The following TMPRSS13 variants were observed in gnomAD, a reference collection of about 807,000 sequenced individuals.
TMPRSS13 encodes the protein transmembrane serine protease 13.
Under a neutral mutation model 68.4 loss-of-function variants are expected in TMPRSS13, and 50 were observed. The observed-to-expected ratio is 0.73, with a 90% CI of 0.58 to 0.93. The LOEUF (loss-of-function observed/expected upper bound fraction) is 0.93, where lower values mean the gene tolerates loss of function less well. Among genes scored for constraint, TMPRSS13 ranks in the 40% least tolerant of loss-of-function variants. The probability of loss-of-function intolerance (pLI) is 0.00; values close to 1 mark genes in which losing one functional copy is unlikely to be tolerated. For missense variants in TMPRSS13, 615 were observed against 729.2 expected (o/e 0.84, Z 1.80); for synonymous variants, 267 against 285.8 (o/e 0.93, Z 0.66).
At position 117,922,688 on chromosome 11, in the gene TMPRSS13, A is replaced by C. The variant is rs1219930593; in HGVS notation, c.22-3850T>G. 6.6e-6 allele frequency among the ~76,000 whole-genome samples: 1 copy of C among 152,212 alleles called. No individual in the cohort carries two copies. The highest frequency in any genetic ancestry group is 1.5e-5 in the Non-Finnish European group (1 of 68,036). On this transcript the variant is annotated intron_variant, in intron 1 of 12. Coordinates refer to ENST00000524993, the MANE Select transcript of TMPRSS13 (RefSeq NM_001077263.3). The surrounding 1 kb of genome is among the most constrained non-coding windows in gnomAD (Gnocchi z 4.2). ...TGGTGTCTCCACAACCTGCCTGCAG[A>C]CCAAAGGCTTCTCAGCCTGCTCAGG...
rs200399398 is a variant in TMPRSS13 at position 117,913,781 on chromosome 11, C to T, written c.805G>A (p.Glu269Lys). ...TGGGGCCAGGTTGGGGGTTACCTCT[C>T]GAAACCCAGCTGCTGGCAGGTCTTC... ...SEKTCQQLGFESAHRTTEVAH... is the reference protein window; with the variant it reads ...SEKTCQQLGFKSAHRTTEVAH... Residue 269 changes from glutamate to lysine, a missense_variant, in exon 5 of 13, where the codon GAG becomes AAG. Physicochemically the swap from Glu to Lys is moderately conservative, Grantham distance 56. Coordinates refer to ENST00000524993, the MANE Select transcript of TMPRSS13 (RefSeq NM_001077263.3). 55 of 1,613,920 alleles carry T rather than the reference C, an allele frequency of 3.4e-5. No homozygotes were observed. The highest frequency in any genetic ancestry group is 6.7e-5 in the African/African-American group (5 of 75,030).
chr11:117,919,303 A>G (rs117507110), intron 1 of TMPRSS13, among the ~76,000 whole-genome samples: 3 of 152,354 alleles, frequency 2.0e-5, no homozygotes, highest in South Asian at 2.1e-4. Flanking sequence ...GTTAGATTAT[A>G]AAATATTGTT....
chr11:117,911,710 C>T, intron 6 of TMPRSS13, 58 bp downstream of exon 6: 1 of 1,453,346 alleles, frequency 6.9e-7, no homozygotes, highest in Non-Finnish European at 9.6e-7. Flanking sequence ...CTCAAAGACC[C>T]TCTCCTACCC....
Position 117,914,096 on chromosome 11 carries a change from G to C in TMPRSS13, c.680-190C>G, listed in dbSNP as rs2057549105. On this transcript the variant is annotated intron_variant, in intron 4 of 12. Coordinates refer to ENST00000524993, the MANE Select transcript of TMPRSS13 (RefSeq NM_001077263.3). This position sits in a 1 kb window ranked among gnomAD's most constrained non-coding sequence, Gnocchi z 4.2. Reference sequence around the variant, plus strand: ...AGTACTCAGAAGCCCAGGATGCCTAGCATGGACAGAGCCAATGCAAAGTCA... The same window carrying C: ...AGTACTCAGAAGCCCAGGATGCCTACCATGGACAGAGCCAATGCAAAGTCA... 6.6e-6 allele frequency among the ~76,000 whole-genome samples: 1 copy of C among 152,158 alleles called. No individual in the cohort carries two copies. The highest frequency in any genetic ancestry group is 6.5e-5 in the Admixed American group (1 of 15,282).
Position 117,918,852 on chromosome 11 carries a change from G to C in TMPRSS13, c.22-14C>G, listed in dbSNP as rs141882923. On this transcript the variant is annotated splice_polypyrimidine_tract_variant and intron_variant, in intron 1 of 12. Transcript: ENST00000524993. ...TGGAGATGCATTCTGAAAGCAGATC[G>C]AAGAGTATCCCACAGGCTGCTCCCC... 2.5e-5 allele frequency: 40 copies of C among 1,612,136 alleles called. No individual in the cohort carries two copies. The highest frequency in any genetic ancestry group is 4.4e-5 in the South Asian group (4 of 91,084).
chr11:117,903,040 A>C, intron 12 of TMPRSS13: 1 of 1,051,164 alleles, frequency 9.5e-7, no homozygotes, highest in Middle Eastern at 4.7e-4. Flanking sequence ...AAAAACATAA[A>C]ATAACTTTTT....
chr11:117,919,774 G>C (rs1249435303), intron 1 of TMPRSS13, among the ~76,000 whole-genome samples: 1 of 152,246 alleles, frequency 6.6e-6, no homozygotes, highest in Non-Finnish European at 1.5e-5. Flanking sequence ...GAAAGCCAAG[G>C]CTCAGAGCTC....
intron 8 of TMPRSS13, 58 bp downstream of exon 8, chr11:117,909,748 C>T (rs2057501116): frequency 5.8e-6 from 9 of 1,563,190 alleles, no homozygotes; most frequent in Middle Eastern, 2.1e-4. Context: ...GCAGCCAGCC[C>T]TTCCTGGTGG....
intron 9 of TMPRSS13, among the ~76,000 whole-genome samples, chr11:117,906,123 G>A (rs1201395293): frequency 6.6e-6 from 1 of 152,242 alleles, no homozygotes; most frequent in Non-Finnish European, 1.5e-5. Flanking sequence ...AGGAACAGCA[G>A]CAGGCTAAGA....
chr11:117,908,898 G>T, intron 8 of TMPRSS13, 114 bp from the exon 9 acceptor site: 1 of 1,028,988 alleles, frequency 9.7e-7, no homozygotes, highest in Non-Finnish European at 1.4e-6. Context: ...CAGGAGGATG[G>T]ATAAAATGAC....
Position 117,923,068 on chromosome 11 carries a change from T to G in TMPRSS13, c.22-4230A>C, listed in dbSNP as rs1021335351. Among the ~76,000 whole-genome samples, 4 of 152,342 alleles carry G rather than the reference T, an allele frequency of 2.6e-5. No homozygotes were observed. The South Asian group carries it at 8.3e-4, about 32-fold the overall frequency. On this transcript the variant is annotated intron_variant, in intron 1 of 12. Transcript: ENST00000524993. ...AGGGCTAAAAGGAGCAGCCCCTGGC[T>G]CTGGGAGTCTTTCCAAAGCCTGTCC...
At chr11:117,925,518 C>T (rs2057696791) in intron 1 of TMPRSS13, among the ~76,000 whole-genome samples, 1 of 152,232 alleles carries the variant, frequency 6.6e-6, no homozygotes. Context: ...TTCCCTGTGT[C>T]TGTGCCTTCT....
chr11:117,926,644 C>T (rs1272811778), intron 1 of TMPRSS13, among the ~76,000 whole-genome samples: 1 of 152,212 alleles, frequency 6.6e-6, no homozygotes, highest in African/African-American at 2.4e-5. Context: ...GCACAAAATA[C>T]GCATTGTCAA....
chr11:117,906,177 G>C (rs973381219), intron 9 of TMPRSS13, among the ~76,000 whole-genome samples: 7 of 152,228 alleles, frequency 4.6e-5, no homozygotes, highest in Non-Finnish European at 7.3e-5. Context: ...TGTCCAGCCT[G>C]GTCTGGCGAG....
chr11:117,913,632 C>T, intron 5 of TMPRSS13, 145 bp downstream of exon 5: 1 of 1,000,572 alleles, frequency 1.0e-6, no homozygotes, highest in South Asian at 1.8e-5. Context: ...ACTCTGAACA[C>T]CTCGAGGGTG....
chr11:117,919,084 G>A (rs1478731997), intron 1 of TMPRSS13, among the ~76,000 whole-genome samples: 2 of 152,176 alleles, frequency 1.3e-5, no homozygotes, highest in Non-Finnish European at 2.9e-5. Flanking sequence ...GATGGGTAGA[G>A]GGCAATGGGC....
intron 5 of TMPRSS13, 22 bp downstream of exon 5, chr11:117,913,755 C>G (rs773579871): frequency 1.2e-6 from 2 of 1,612,738 alleles, no homozygotes; most frequent in Non-Finnish European, 1.7e-6. Flanking sequence ...AGCCTGGACT[C>G]TGGGGCCAGG....
chr11:117,902,120 G>T lies in TMPRSS13; in HGVS notation c.*119C>A. ...CACACACACAGAGGCAGCAGACAGTGGAGGTGGGAGTCCGATGGTGCCCGG... is the reference window on the plus strand; with the variant it reads ...CACACACACAGAGGCAGCAGACAGTTGAGGTGGGAGTCCGATGGTGCCCGG... On this transcript the variant is annotated 3_prime_UTR_variant, in exon 13 of 13. Coordinates refer to ENST00000524993, the MANE Select transcript of TMPRSS13 (RefSeq NM_001077263.3). 1 of 1,060,752 alleles carries T rather than the reference G, an allele frequency of 9.4e-7. No individual in the cohort carries two copies. Among genetic ancestry groups the T allele is most frequent in the East Asian group, 2.5e-5 (1 of 39,396 alleles). The allele number at this position is 1,060,752 out of a possible 1,614,324, so 65.7% of individuals were successfully genotyped here.
intron 12 of TMPRSS13, 151 bp downstream of exon 12, chr11:117,903,504 C>G: frequency 6.5e-7 from 1 of 1,546,398 alleles, no homozygotes; most frequent in Non-Finnish European, 8.7e-7. Flanking sequence ...TGGGATTGAC[C>G]CCAGGCATCA....
Sources: gnomAD v4.1 joint callset for allele counts (sites outside exome capture counted in the v4.1 genomes callset) on GRCh38, gnomAD v4.1.1 for gene constraint, Gnocchi (gnomAD v3.1) non-coding constraint, MANE v1.5 for transcripts, NCBI Gene and HGNC (gene_info 2026-07-23, HGNC 2026-07-21) for gene names.